Variants in ARMH3 observed in about 807,000 individuals in gnomAD.
The protein encoded by ARMH3 is armadillo like helical domain containing 3.
ARMH3 carries 60 observed loss-of-function variants against 99.1 expected under a neutral mutation model. The ratio of observed to expected loss-of-function variants is 0.61; its 90% CI spans 0.49 to 0.75. The LOEUF (loss-of-function observed/expected upper bound fraction) is 0.75, where lower values mean the gene tolerates loss of function less well. Among genes scored for constraint, ARMH3 ranks in the 30% least tolerant of loss-of-function variants. The pLI, the probability that ARMH3 is intolerant of heterozygous loss-of-function variation, is 0.00. For missense variants in ARMH3, 679 were observed against 843.1 expected (o/e 0.81, Z 2.41); for synonymous variants, 285 against 292.8 (o/e 0.97, Z 0.27).
chr10:102,048,423 C>T (rs749384135), intron 1 of ARMH3, among the ~76,000 whole-genome samples: 5 of 152,088 alleles, frequency 3.3e-5, no homozygotes, highest in South Asian at 2.1e-4. Context: ...GGAGGCAACA[C>T]GTTTTTGTTT....
intron 22 of ARMH3, among the ~76,000 whole-genome samples, chr10:101,940,626 G>A (rs1038712361): frequency 6.6e-6 from 1 of 151,812 alleles, no homozygotes; most frequent in African/African-American, 2.4e-5. Context: ...AACAGGTCCC[G>A]GTGTGTGATG....
chr10:101,868,380 G>A (rs780103430), intron 24 of ARMH3, among the ~76,000 whole-genome samples: 11 of 152,284 alleles, frequency 7.2e-5, no homozygotes, highest in African/African-American at 1.9e-4. Flanking sequence ...AAAGCAAATC[G>A]TGGAAAAAGA....
rs149051149 is a variant in ARMH3, at chr10:101,851,448, G to C, written c.1861-1556C>G. On this transcript the variant is annotated intron_variant, in intron 24 of 25. Transcript: ENST00000370033. ...CCTATGGCATCATGGAGAGCTCCCT[G>C]CTCAGTAGGGAGCTTGGAGGAATTA... 2.8e-3 allele frequency among the ~76,000 whole-genome samples: 420 copies of C among 152,266 alleles called. 4 individuals carry two copies. The highest frequency in any genetic ancestry group is 9.7e-3 in the African/African-American group (402 of 41,550).
chr10:102,050,169 G>A (rs2067662186), intron 1 of ARMH3, among the ~76,000 whole-genome samples: 3 of 149,928 alleles, frequency 2.0e-5, no homozygotes, highest in South Asian at 2.1e-4. Flanking sequence ...AGAGCCAGGC[G>A]CTGTGGCTCA....
chr10:101,898,325 C>T (rs577404453), intron 23 of ARMH3, among the ~76,000 whole-genome samples: 1 of 151,404 alleles, frequency 6.6e-6, no homozygotes, highest in South Asian at 2.1e-4. Context: ...CACTGCGCTC[C>T]CTAGCCTGGG....
chr10:102,003,532 T>C (rs1490536852), intron 14 of ARMH3, among the ~76,000 whole-genome samples: 2 of 152,172 alleles, frequency 1.3e-5, no homozygotes, highest in African/African-American at 2.4e-5. Context: ...TCTTGTTAAG[T>C]GCTTTTACAC....
intron 1 of ARMH3, among the ~76,000 whole-genome samples, chr10:102,046,563 A>G (rs9730825): frequency 0.21 from 31,939 of 152,096 alleles, 3,722 homozygotes; most frequent in East Asian, 0.52. Context: ...GAGACAGAAG[A>G]ATCGCTTGAA....
intron 22 of ARMH3, among the ~76,000 whole-genome samples, chr10:101,945,492 T>C (rs997399779): frequency 9.9e-5 from 15 of 151,730 alleles, no homozygotes; most frequent in Non-Finnish European, 5.9e-5. Context: ...CTGAGGCGGG[T>C]GGATCACCTA....
At chr10:102,021,275 T>C (rs1283146113) in intron 8 of ARMH3, among the ~76,000 whole-genome samples, 1 of 152,072 alleles carries the variant, frequency 6.6e-6, no homozygotes, top group African/African-American at 2.4e-5. Flanking sequence ...AGATGGAGTT[T>C]TGCCATGTTG....
intron 24 of ARMH3, among the ~76,000 whole-genome samples, chr10:101,864,306 T>C (rs1564699632): frequency 6.6e-6 from 1 of 152,184 alleles, no homozygotes; most frequent in Non-Finnish European, 1.5e-5. Context: ...AACTGTAAAC[T>C]AGTTCAACCA....
At chr10:102,016,436 T>C (rs989811019) in intron 8 of ARMH3, among the ~76,000 whole-genome samples, 2 of 152,228 alleles carry the variant, frequency 1.3e-5, no homozygotes, top group Admixed American at 6.5e-5. Context: ...ACCTGGTACA[T>C]GCTAAAGGCT....
intron 24 of ARMH3, among the ~76,000 whole-genome samples, chr10:101,853,889 T>A (rs112860270): frequency 3.9e-5 from 6 of 152,220 alleles, no homozygotes; most frequent in African/African-American, 1.4e-4. Flanking sequence ...TCGAGGCGGA[T>A]GGATCGCGAG....
chr10:101,929,138 C>A (rs1843622535), intron 23 of ARMH3, among the ~76,000 whole-genome samples: 1 of 152,200 alleles, frequency 6.6e-6, no homozygotes, highest in South Asian at 2.1e-4. Flanking sequence ...ACACACCTAA[C>A]AACTCCTTCT....
At chr10:102,053,269 TC>T (rs2067753506) in intron 1 of ARMH3, among the ~76,000 whole-genome samples, 1 of 151,466 alleles carries the variant, frequency 6.6e-6, no homozygotes, top group South Asian at 2.1e-4. Flanking sequence ...CTCCCCACTT[TC>T]TTTTCAGTCT....
intron 19 of ARMH3, among the ~76,000 whole-genome samples, chr10:101,983,630 G>A (rs994116389): frequency 3.3e-5 from 5 of 152,126 alleles, no homozygotes; most frequent in Non-Finnish European, 5.9e-5. Flanking sequence ...GAGAGCTTCT[G>A]GATAGCTAAA....
chr10:101,958,375 A>G (rs1484076919), intron 20 of ARMH3, among the ~76,000 whole-genome samples: 1 of 152,210 alleles, frequency 6.6e-6, no homozygotes, highest in African/African-American at 2.4e-5. Flanking sequence ...GAGGGGAGAG[A>G]TTCCTAAAAC....
At chr10:102,039,634 A>G (rs2067360713) in intron 2 of ARMH3, among the ~76,000 whole-genome samples, 1 of 152,182 alleles carries the variant, frequency 6.6e-6, no homozygotes, top group African/African-American at 2.4e-5. Flanking sequence ...AAGTATCTGA[A>G]TTATAGAATT....
At chr10:101,885,137 A>T (rs1434122136) in intron 24 of ARMH3, among the ~76,000 whole-genome samples, 2 of 149,102 alleles carry the variant, frequency 1.3e-5, no homozygotes, top group Non-Finnish European at 3.0e-5. Context: ...GATGGCTATT[A>T]AAAAAAAAAC....
At chr10:101,914,873 A>AAG (rs1428723396) in intron 23 of ARMH3, among the ~76,000 whole-genome samples, 21 of 151,472 alleles carry the variant, frequency 1.4e-4, no homozygotes, top group Non-Finnish European at 2.7e-4. Flanking sequence ...TCAAAAAAAA[A>AAG]AAAAAAAAAA....
Sources: gnomAD v4.1 joint callset for allele counts (sites outside exome capture counted in the v4.1 genomes callset) on GRCh38, gnomAD v4.1.1 for gene constraint, MANE v1.5 for transcripts, NCBI Gene and HGNC (gene_info 2026-07-23, HGNC 2026-07-21) for gene names.